Variants in ITGA9 observed in about 807,000 individuals in gnomAD.
ITGA9 encodes integrin subunit alpha 9.
In ITGA9, 56 loss-of-function variants were observed where a neutral mutation model predicts 127.8. That is an observed-to-expected ratio of 0.44 (90% CI 0.35 to 0.55). The LOEUF (loss-of-function observed/expected upper bound fraction) is 0.55, where lower values mean the gene tolerates loss of function less well. Among genes scored for constraint, ITGA9 ranks in the 20% least tolerant of loss-of-function variants. ITGA9 has a pLI of 0.00. For missense variants in ITGA9, 1,196 were observed against 1,347.1 expected, an observed-to-expected ratio of 0.89 and a Z score of 1.76; for synonymous variants, 508 against 514.5, an observed-to-expected ratio of 0.99 and a Z score of 0.17.
intron 6 of ITGA9, among the ~76,000 whole-genome samples, chr3:37,503,726 C>A (rs773254241): frequency 6.6e-6 from 1 of 152,188 alleles, no homozygotes; most frequent in Non-Finnish European, 1.5e-5. Flanking sequence ...TAGAAATTAT[C>A]ATGACAGATG....
chr3:37,491,627 T>A (rs922291865), intron 4 of ITGA9, among the ~76,000 whole-genome samples: 26 of 152,302 alleles, frequency 1.7e-4, no homozygotes, highest in African/African-American at 5.8e-4. Context: ...CCAGGCTTGT[T>A]GGGGATGTTG....
chr3:37,776,910 T>C lies in ITGA9; in HGVS notation c.2542-482T>C, dbSNP rs138637836. ...ACCCCTAAGGAGTTTTACAGCACCG[T>C]GGGGGCTTTCTAGAATGGTTGAAAA... On this transcript the variant is annotated intron_variant, in intron 23 of 27. Coordinates refer to ENST00000264741, the MANE Select transcript of ITGA9 (RefSeq NM_002207.3). 1.8e-4 allele frequency among the ~76,000 whole-genome samples: 28 copies of C among 152,238 alleles called. No individual in the cohort carries two copies. In the East Asian group the frequency reaches 3.9e-3, roughly 21 times the overall value.
chr3:37,657,572 C>T (rs1700490732), intron 17 of ITGA9, among the ~76,000 whole-genome samples: 1 of 147,366 alleles, frequency 6.8e-6, no homozygotes, highest in Non-Finnish European at 1.5e-5. Context: ...CTGTTTGATT[C>T]TCTGTTTTCT....
intron 26 of ITGA9, among the ~76,000 whole-genome samples, chr3:37,793,395 C>CAT (rs200073076): frequency 0.024 from 2,257 of 93,318 alleles, 30 homozygotes; most frequent in Middle Eastern, 0.12. Context: ...GGTCAACACA[C>CAT]ACACACACAC....
Position 37,510,232 on chromosome 3 carries a change from TG to T in ITGA9, c.897+1608del, listed in dbSNP as rs200456266. On this transcript the variant is annotated intron_variant, in intron 8 of 27. Transcript: ENST00000264741. ...GTTGCCCAGGCTGGTCTCAGACTCCTGGGCTCAAGGGATCCACCCACCTTGG... is the reference window on the plus strand; with the variant it reads ...GTTGCCCAGGCTGGTCTCAGACTCCTGGCTCAAGGGATCCACCCACCTTGG... Among the ~76,000 whole-genome samples the T allele has an allele frequency of 8.3e-3, 1,265 of 152,212 alleles. 13 individuals carry two copies. The highest frequency in any genetic ancestry group is 0.029 in the African/African-American group (1,184 of 41,518).
intron 2 of ITGA9, 96 bp downstream of exon 2, chr3:37,471,230 C>A (rs1698428029): frequency 1.5e-6 from 2 of 1,355,490 alleles, no homozygotes; most frequent in African/African-American, 1.4e-5. Flanking sequence ...ACTCACCCAT[C>A]CATCCTTCCC....
chr3:37,459,100 C>CA, intron 1 of ITGA9, among the ~76,000 whole-genome samples: 1 of 152,172 alleles, frequency 6.6e-6, no homozygotes, highest in South Asian at 2.1e-4. Flanking sequence ...CTGTTCTGAC[C>CA]AAAAAGGACT....
rs951784429 is a variant in ITGA9, at chr3:37,821,228, G to C, written c.*2239G>C. 2.6e-5 allele frequency: 4 copies of C among 152,248 alleles called. No homozygotes were observed. The highest frequency in any genetic ancestry group is 5.9e-5 in the Non-Finnish European group (4 of 68,062). The allele number at this position is 152,248 out of a possible 1,614,324, so 9.4% of individuals were successfully genotyped here. A position where few individuals can be genotyped will look rare whatever the true frequency, so the allele number is the denominator to read the frequency against. ...CAGAGGTAGCTACAGGGAGCAGGAC[G>C]AGGCAAAGAAAGCAGCTGTCACTCA... On this transcript the variant is annotated 3_prime_UTR_variant, in exon 28 of 28. Transcript: ENST00000264741.
chr3:37,692,321 A>G (rs1700839728), intron 18 of ITGA9, among the ~76,000 whole-genome samples: 1 of 152,126 alleles, frequency 6.6e-6, no homozygotes, highest in Non-Finnish European at 1.5e-5. Context: ...AAGAATATAA[A>G]ACATAGAATG....
intron 23 of ITGA9, among the ~76,000 whole-genome samples, chr3:37,767,053 T>C (rs1696787821): frequency 6.6e-6 from 1 of 152,240 alleles, no homozygotes; most frequent in Non-Finnish European, 1.5e-5. Flanking sequence ...GGTGGTGGCC[T>C]GCACTCTTGA....
intron 26 of ITGA9, among the ~76,000 whole-genome samples, chr3:37,798,363 AT>A (rs1697198968): frequency 6.6e-6 from 1 of 152,232 alleles, no homozygotes; most frequent in Non-Finnish European, 1.5e-5. Context: ...AAATTTGGAA[AT>A]CAGGCAAAAA....
chr3:37,551,268 A>T (rs1327698591), intron 15 of ITGA9, among the ~76,000 whole-genome samples: 1 of 152,064 alleles, frequency 6.6e-6, no homozygotes, highest in Non-Finnish European at 1.5e-5. Context: ...CACATTTGGG[A>T]TTCTGTTCGC....
At chr3:37,703,216 A>G (rs1368306823) in intron 18 of ITGA9, among the ~76,000 whole-genome samples, 1 of 152,138 alleles carries the variant, frequency 6.6e-6, no homozygotes, top group Non-Finnish European at 1.5e-5. Context: ...TAATTTTTTT[A>G]TGACCGGAAT....
At chr3:37,657,003 G>T (rs138579802) in intron 17 of ITGA9, among the ~76,000 whole-genome samples, 1,632 of 151,906 alleles carry the variant, frequency 0.011, 28 homozygotes, top group African/African-American at 0.036. Context: ...TTATTGATTT[G>T]CATATGTTGA....
chr3:37,574,560 A>G (rs1017974485), intron 15 of ITGA9, among the ~76,000 whole-genome samples: 1 of 152,258 alleles, frequency 6.6e-6, no homozygotes, highest in African/African-American at 2.4e-5. Flanking sequence ...CCAATAAGCT[A>G]TAAAGCTGTT....
intron 15 of ITGA9, among the ~76,000 whole-genome samples, chr3:37,601,879 G>A (rs887049892): frequency 2.0e-5 from 3 of 152,200 alleles, no homozygotes; most frequent in Non-Finnish European, 2.9e-5. Flanking sequence ...ATGATGCCAG[G>A]CATCCGCTTT....
At chr3:37,807,102 T>C (rs66525245) in intron 27 of ITGA9, 12,855 of 152,024 alleles carry the variant, frequency 0.085, 733 homozygotes, top group African/African-American at 0.16. Context: ...CAGAGAACAG[T>C]GTGGTAGATG....
intron 18 of ITGA9, 117 bp downstream of exon 18, chr3:37,684,132 C>A: frequency 1.0e-6 from 1 of 954,054 alleles, no homozygotes; most frequent in Non-Finnish European, 1.7e-6. Flanking sequence ...TGTGGACTAT[C>A]ATTTAGAATG....
At chr3:37,501,994 A>G (rs979369059) in intron 5 of ITGA9, among the ~76,000 whole-genome samples, 3 of 152,108 alleles carry the variant, frequency 2.0e-5, no homozygotes, top group Non-Finnish European at 4.4e-5. Context: ...GGAGTGAGAG[A>G]ACAGGGGATG....
Sources: gnomAD v4.1 joint callset for allele counts (sites outside exome capture counted in the v4.1 genomes callset) on GRCh38, gnomAD v4.1.1 for gene constraint, MANE v1.5 for transcripts, NCBI Gene and HGNC (gene_info 2026-07-23, HGNC 2026-07-21) for gene names.